The following CUBN variants were observed in gnomAD, a reference collection of about 807,000 sequenced individuals.
The protein encoded by CUBN is 460 kDa receptor.
A neutral mutation model predicts 405.3 loss-of-function variants in CUBN; 282 were observed. That is an observed-to-expected ratio of 0.70 (90% CI 0.63 to 0.77). CUBN has a LOEUF of 0.77. Ranked by LOEUF, CUBN falls within the 30% of genes least tolerant of loss-of-function variation. The pLI is 0.00. For missense variants in CUBN, 4,514 were observed against 4,475.2 expected (o/e 1.01, Z -0.25); for synonymous variants, 1,684 against 1,617.0 (o/e 1.04, Z -0.99).
chr10:16,901,492 C>G (rs748672880), intron 51 of CUBN, 33 bp from the exon 52 acceptor site: 34 of 1,613,268 alleles, frequency 2.1e-5, no homozygotes, highest in Non-Finnish European at 2.8e-5. Context: ...CTCAATAAAA[C>G]AGAAGTAAAA....
chr10:16,924,902 T>C (rs1234933532), intron 43 of CUBN, among the ~76,000 whole-genome samples: 2 of 152,016 alleles, frequency 1.3e-5, no homozygotes, highest in Non-Finnish European at 2.9e-5. Flanking sequence ...AGAATTAACT[T>C]ACAATTAGAC....
intron 52 of CUBN, 94 bp downstream of exon 52, chr10:16,901,244 T>C (rs1841354803): frequency 6.5e-7 from 1 of 1,546,606 alleles, no homozygotes; most frequent in African/African-American, 1.4e-5. Flanking sequence ...CCTTCTCTAA[T>C]CACTTGCTTA....
rs757725121 is a variant in CUBN at position 16,925,607 on chromosome 10, A to G, written c.6439T>C (p.Cys2147Arg). The G allele has an allele frequency of 5.6e-6, 9 of 1,613,936 alleles. No homozygotes were observed. The Admixed American group carries it at 1.0e-4, about 18-fold the overall frequency. Residue 2147 changes from cysteine (C) to arginine (R), a missense_variant, in exon 42 of 67, where the codon TGC becomes CGC. Cys to Arg is a radical substitution (Grantham distance 180, BLOSUM62 -3). This residue lies in a region of CUBN where 1,613 missense variants were observed against 1,542.8 expected (regional missense o/e 1.05). Transcript: ENST00000377833. ...PFQIPNGDSS[C>R]NQGDYLVLRN... ...ACCACCAAGTAATCCCCCTGGTTGCAAGAAGAATCTCCATTTGGAATCTGG... is the reference window on the plus strand; with the variant it reads ...ACCACCAAGTAATCCCCCTGGTTGCGAGAAGAATCTCCATTTGGAATCTGG...
chr10:17,107,687 C>T lies in CUBN; in HGVS notation c.1111+1953G>A, dbSNP rs1335480290. ...TAATTTTTTGTATTTTCAGTAGAGACGGGGTTTCACCATGTTGGCCAGGAT... is the reference window on the plus strand; with the variant it reads ...TAATTTTTTGTATTTTCAGTAGAGATGGGGTTTCACCATGTTGGCCAGGAT... On this transcript the variant is annotated intron_variant, in intron 10 of 66. Coordinates refer to ENST00000377833, the MANE Select transcript of CUBN (RefSeq NM_001081.4). 2.0e-5 allele frequency among the ~76,000 whole-genome samples: 3 copies of T among 151,726 alleles called. No homozygotes were observed. The South Asian group carries it at 6.2e-4, about 32-fold the overall frequency.
chr10:16,915,808 A>G lies in CUBN; in HGVS notation c.7210+13T>C, dbSNP rs1394611300. 3.1e-6 allele frequency: 5 copies of G among 1,600,796 alleles called. No homozygotes were observed. The African/African-American group carries it at 6.7e-5, about 21-fold the overall frequency. On this transcript the variant is annotated intron_variant, in intron 46 of 66. Transcript: ENST00000377833. Reference sequence around the variant, plus strand: ...AATAAACACCCAAAAGAGAGCAGATATATTTTACTAACCAGAGGTATGATT... The same window carrying G: ...AATAAACACCCAAAAGAGAGCAGATGTATTTTACTAACCAGAGGTATGATT...
chr10:16,963,864 T>C (rs886906494), intron 31 of CUBN, among the ~76,000 whole-genome samples: 3 of 152,186 alleles, frequency 2.0e-5, no homozygotes, highest in African/African-American at 7.2e-5. Context: ...TAATATTTCA[T>C]AGTGTGTATG....
intron 64 of CUBN, 146 bp from the exon 65 acceptor site, chr10:16,831,563 A>C (rs1838995631): frequency 1.4e-6 from 1 of 734,508 alleles, no homozygotes; most frequent in East Asian, 2.7e-5. Flanking sequence ...CTGAAAATAC[A>C]TGCAGAAGTC....
chr10:16,851,612 C>A (rs1839688790), intron 59 of CUBN, among the ~76,000 whole-genome samples, 169 bp from the exon 60 acceptor site: 1 of 151,130 alleles, frequency 6.6e-6, no homozygotes, highest in Non-Finnish European at 1.5e-5. Context: ...CTTTTCTTTT[C>A]TTTCTTCCTT....
chr10:16,841,097 A>G (rs1182412420), intron 60 of CUBN, 50 bp from the exon 61 acceptor site: 5 of 1,573,474 alleles, frequency 3.2e-6, no homozygotes, highest in South Asian at 2.2e-5. Context: ...AAAAAATTGC[A>G]TATTTCACAC....
intron 38 of CUBN, among the ~76,000 whole-genome samples, chr10:16,938,121 G>A (rs758730115): frequency 2.0e-5 from 3 of 152,086 alleles, no homozygotes; most frequent in Non-Finnish European, 4.4e-5. Context: ...TAATAAATGT[G>A]CTTTGGGGCT....
At position 17,128,009 on chromosome 10, in the gene CUBN, G is replaced by A. The variant is rs183716257; in HGVS notation, c.253-85C>T. On this transcript the variant is annotated intron_variant, in intron 2 of 66. Transcript: ENST00000377833. ...TACAGTAACATAATTAAAAACTTGAGTAGTATTCTACTTTAAGCACTAAGA... is the reference window on the plus strand; with the variant it reads ...TACAGTAACATAATTAAAAACTTGAATAGTATTCTACTTTAAGCACTAAGA... The A allele has an allele frequency of 7.1e-5, 68 of 953,150 alleles. No individual in the cohort carries two copies. In the East Asian group the frequency reaches 1.6e-3, roughly 22 times the overall value. The allele number at this position is 953,150 out of a possible 1,614,324, so 59.0% of individuals were successfully genotyped here. A position where few individuals can be genotyped will look rare whatever the true frequency, so the allele number is the denominator to read the frequency against.
chr10:16,844,740 C>G (rs1839462508), intron 60 of CUBN, among the ~76,000 whole-genome samples: 1 of 152,216 alleles, frequency 6.6e-6, no homozygotes, highest in African/African-American at 2.4e-5. Context: ...CCCAAGATCT[C>G]TATCTGCTCT....
chr10:16,945,530 G>A (rs1231946072), intron 36 of CUBN, among the ~76,000 whole-genome samples: 1 of 152,114 alleles, frequency 6.6e-6, no homozygotes, highest in Non-Finnish European at 1.5e-5. Context: ...CACTTTGGGA[G>A]GCCAAGGTGG....
intron 31 of CUBN, 151 bp from the exon 32 acceptor site, chr10:16,954,699 T>G: frequency 1.2e-6 from 1 of 831,222 alleles, no homozygotes; most frequent in Non-Finnish European, 2.0e-6. Context: ...CTCACAGCTG[T>G]AACAAGTCTT....
intron 31 of CUBN, among the ~76,000 whole-genome samples, chr10:16,961,303 C>T (rs549842225): frequency 6.6e-6 from 1 of 152,138 alleles, no homozygotes; most frequent in African/African-American, 2.4e-5. Context: ...CTGGCTCAAG[C>T]GATCCTGCCA....
rs952765583 is a variant in CUBN, at chr10:16,954,534, T to G, written c.4710A>C (p.Leu1570Phe). Reference protein sequence around the residue: ...QDSCIMAYDGLSSTMSRLART... With the variant: ...QDSCIMAYDGFSSTMSRLART... ...TGGCAAGGCGGGACATTGTGGAGCTTAAGCCATCGTATGCCTACAAGAAAG... is the reference window on the plus strand; with the variant it reads ...TGGCAAGGCGGGACATTGTGGAGCTGAAGCCATCGTATGCCTACAAGAAAG... The change falls in exon 32 of 67, where the codon TTA becomes TTC. Residue 1570 changes from leucine (L) to phenylalanine (F), a missense_variant. Physicochemically the swap from Leu to Phe is conservative, Grantham distance 22. Coordinates refer to ENST00000377833, the MANE Select transcript of CUBN (RefSeq NM_001081.4). The G allele has an allele frequency of 6.2e-7, 1 of 1,613,598 alleles. No individual in the cohort carries two copies. Among genetic ancestry groups the G allele is most frequent in the Non-Finnish European group, 8.5e-7 (1 of 1,180,004 alleles).
intron 39 of CUBN, 54 bp downstream of exon 39, chr10:16,937,538 C>T: frequency 6.8e-7 from 1 of 1,478,686 alleles, no homozygotes; most frequent in Non-Finnish European, 9.4e-7. Context: ...TCCTTTGAAA[C>T]ATTGGCCTGC....
At chr10:17,020,377 T>C (rs902572010) in intron 27 of CUBN, among the ~76,000 whole-genome samples, 11 of 152,190 alleles carry the variant, frequency 7.2e-5, no homozygotes, top group Non-Finnish European at 1.5e-4. Context: ...TAAATGTTTA[T>C]GGGTACATAG....
chr10:16,927,908 T>G (rs1311472499), intron 41 of CUBN, among the ~76,000 whole-genome samples: 2 of 152,162 alleles, frequency 1.3e-5, no homozygotes, highest in African/African-American at 4.8e-5. Context: ...CACACCTCCT[T>G]TGGAGCGAAG....
Sources: gnomAD v4.1 joint callset for allele counts (sites outside exome capture counted in the v4.1 genomes callset) on GRCh38, gnomAD v4.1.1 for gene constraint, gnomAD v4.1.1 regional missense constraint, MANE v1.5 for transcripts, NCBI Gene and HGNC (gene_info 2026-07-23, HGNC 2026-07-21) for gene names.